The following KHK variants were observed in gnomAD, a reference collection of about 807,000 sequenced individuals.
KHK encodes the protein ketohexokinase.
Under a neutral mutation model 36.0 loss-of-function variants are expected in KHK, and 37 were observed. That is an observed-to-expected ratio of 1.03 (90% confidence interval 0.79 to 1.35). KHK has a LOEUF of 1.35. KHK is among the 40% of genes most tolerant of loss of function. KHK has a pLI of 0.00. For synonymous variants in KHK, 161 were observed against 162.8 expected (o/e 0.99, Z 0.08); for missense variants, 395 against 391.9 (o/e 1.01, Z -0.07).
intron 3 of KHK, 93 bp from the exon 4 acceptor site, chr2:27,096,636 A>T: frequency 1.1e-6 from 1 of 950,844 alleles, no homozygotes. Context: ...CCAGCAGTGC[A>T]GGCACAGGGT....
chr2:27,095,036 C>A, intron 3 of KHK, 102 bp downstream of exon 3: 1 of 1,358,640 alleles, frequency 7.4e-7, no homozygotes, highest in Non-Finnish European at 1.0e-6. Flanking sequence ...CCCTCTGTGG[C>A]TTCTGTGTAC....
rs372939429 is a variant in KHK at position 27,097,517 on chromosome 2, G to A, written c.432G>A (p.Ser144=). ...KWIHIEGRNA[S]EQVKMLQRID... is the part of the protein sequence containing the mutation. ...TCCTGTACCAGGGCCGGAACGCATC[G>A]GAGCAGGTGAAGATGCTGCAGCGGA... The change falls in exon 5 of 8, where the codon TCG becomes TCA. Residue 144 remains serine, a synonymous_variant. Coordinates refer to ENST00000260598, the MANE Select transcript of KHK (RefSeq NM_006488.3). The A allele has an allele frequency of 2.0e-5, 32 of 1,613,632 alleles. 1 individual carries two copies. In the East Asian group the frequency reaches 2.0e-4, roughly 10 times the overall value.
At chr2:27,090,121 G>A (rs2148334569) in intron 1 of KHK, among the ~76,000 whole-genome samples, 1 of 152,272 alleles carries the variant, frequency 6.6e-6, no homozygotes, top group East Asian at 1.9e-4. Flanking sequence ...CAAAGTGCTG[G>A]GATTACAGGC....
intron 4 of KHK, 96 bp downstream of exon 4, chr2:27,096,897 A>G: frequency 1.1e-6 from 1 of 915,528 alleles, no homozygotes; most frequent in Non-Finnish European, 1.8e-6. Flanking sequence ...GAAGTACCTT[A>G]GAGATAAATG....
In KHK at chr2:27,087,231, G is replaced by A. The variant is rs774641461; in HGVS notation, c.-29G>A. On this transcript the variant is annotated 5_prime_UTR_variant, in exon 1 of 8. Coordinates refer to ENST00000260598, the MANE Select transcript of KHK (RefSeq NM_006488.3). The stretch of plus-strand genomic sequence containing the variant: ...AGGCCGGGAGGAACCCCGTCAGCCG[G>A]GCGGGCAGGAAGCTCTGGGAGTAGC... The A allele has an allele frequency of 1.3e-6, 2 of 1,554,490 alleles. No homozygotes were observed. The highest frequency in any genetic ancestry group is 1.2e-5 in the South Asian group (1 of 84,726).
At position 27,097,689 on chromosome 2, in the gene KHK, AATTT is replaced by A. The variant is rs778088138; in HGVS notation, c.564+41_564+44del. On this transcript the variant is annotated intron_variant, in intron 5 of 7. Transcript: ENST00000260598. Reference sequence around the variant, plus strand: ...CAGCCTCTCTTTGCCACTTCCAGCTAATTTGGTTCTTAAAGGGAGCCAGAATCCT... The same window carrying A: ...CAGCCTCTCTTTGCCACTTCCAGCTAGGTTCTTAAAGGGAGCCAGAATCCT... 12 of 1,613,496 alleles carry A rather than the reference AATTT, an allele frequency of 7.4e-6. No individual in the cohort carries two copies. In the East Asian group the frequency reaches 2.7e-4, roughly 36 times the overall value.
Position 27,100,242 on chromosome 2 carries a change from G to C in KHK, c.*492G>C. 2.6e-6 allele frequency: 1 copy of C among 391,380 alleles called. No individual in the cohort carries two copies. The highest frequency in any genetic ancestry group is 6.8e-5 in the East Asian group (1 of 14,666). 24.2% of individuals were successfully genotyped at this position (391,380 alleles called of 1,614,324 possible). A position where few individuals can be genotyped will look rare whatever the true frequency, so the allele number is the denominator to read the frequency against. On this transcript the variant is annotated 3_prime_UTR_variant, in exon 8 of 8. Transcript: ENST00000260598. ...GCGTTGTGCAGACTCTATTCCCACAGCTCAGAAGCTGGGAGTCCACACCGC... is the reference window on the plus strand; with the variant it reads ...GCGTTGTGCAGACTCTATTCCCACACCTCAGAAGCTGGGAGTCCACACCGC...
At chr2:27,095,471 C>A (rs1390383803) in intron 3 of KHK, among the ~76,000 whole-genome samples, 3 of 152,196 alleles carry the variant, frequency 2.0e-5, no homozygotes, top group Non-Finnish European at 4.4e-5. Flanking sequence ...CATTCACAGC[C>A]ATTGCTGAAG....
At chr2:27,090,521 C>T (rs948431004) in intron 1 of KHK, among the ~76,000 whole-genome samples, 5 of 128,572 alleles carry the variant, frequency 3.9e-5, no homozygotes, top group African/African-American at 1.5e-4. Context: ...GTGGCATGAT[C>T]TTGGCTCACT....
intron 3 of KHK, among the ~76,000 whole-genome samples, chr2:27,096,328 A>G (rs879635635): frequency 6.6e-6 from 1 of 152,190 alleles, no homozygotes; most frequent in Non-Finnish European, 1.5e-5. Flanking sequence ...GGGGGACCAG[A>G]CAGCCCAGGC....
chr2:27,088,777 T>C (rs1669816988), intron 1 of KHK, among the ~76,000 whole-genome samples: 1 of 152,208 alleles, frequency 6.6e-6, no homozygotes, highest in South Asian at 2.1e-4. Context: ...ACTGTAATGC[T>C]GTGAAGGCAT....
At chr2:27,096,366 A>G (rs890165285) in intron 3 of KHK, among the ~76,000 whole-genome samples, 7 of 152,044 alleles carry the variant, frequency 4.6e-5, no homozygotes. Flanking sequence ...ATACTTTCCC[A>G]GGGCTCTGCC....
chr2:27,100,516 C>CTAA lies in KHK; in HGVS notation c.*766_*767insTAA, dbSNP rs1670755932. 6 of 1,290,824 alleles carry CTAA rather than the reference C, an allele frequency of 4.6e-6. No homozygotes were observed. The highest frequency in any genetic ancestry group is 6.1e-6 in the Non-Finnish European group (6 of 988,838). The allele number at this position is 1,290,824 out of a possible 1,614,324, so 80.0% of individuals were successfully genotyped here. On this transcript the variant is annotated 3_prime_UTR_variant, in exon 8 of 8. Coordinates refer to ENST00000260598, the MANE Select transcript of KHK (RefSeq NM_006488.3). ...TCTGGAACACATATTGGAATTGGGG[C>CTAA]CAACTCCAATATAGGGTGGGTAAGG...
chr2:27,099,762 G>A lies in KHK; in HGVS notation c.*12G>A, dbSNP rs200569175. Reference sequence around the variant, plus strand: ...ATGGCATCGTGTGAGAGCAGGTGCCGGCTCCTCACACACCATGGAGACTAC... The same window carrying A: ...ATGGCATCGTGTGAGAGCAGGTGCCAGCTCCTCACACACCATGGAGACTAC... On this transcript the variant is annotated 3_prime_UTR_variant, in exon 8 of 8. Transcript: ENST00000260598. The A allele has an allele frequency of 4.0e-5, 65 of 1,613,002 alleles. No individual in the cohort carries two copies. Among genetic ancestry groups the A allele is most frequent in the African/African-American group, 6.7e-5 (5 of 75,010 alleles).
At position 27,099,524 on chromosome 2, in the gene KHK, C is replaced by T; in HGVS notation, c.758C>T (p.Thr253Ile). The T allele has an allele frequency of 6.2e-7, 1 of 1,614,194 alleles. No individual in the cohort carries two copies. Among genetic ancestry groups the T allele is most frequent in the Middle Eastern group, 1.6e-4 (1 of 6,062 alleles). The part of the protein sequence containing the change: ...DAFPPPRVVD[T>I]LGAGDTFNAS... ...TTCCCGCCACCCCGCGTGGTGGATA[C>T]ACTGGGAGCTGGAGACACCTTCAAT... The change falls in exon 7 of 8, where the codon ACA becomes ATA. Residue 253 changes from threonine (T) to isoleucine (I), a missense_variant. Coordinates refer to ENST00000260598, the MANE Select transcript of KHK (RefSeq NM_006488.3).
intron 3 of KHK, among the ~76,000 whole-genome samples, chr2:27,096,274 A>G (rs1474630232): frequency 1.3e-5 from 2 of 152,172 alleles, no homozygotes; most frequent in Non-Finnish European, 2.9e-5. Flanking sequence ...AACGCAGGAC[A>G]GGGGTGCCAT....
At chr2:27,091,285 C>G (rs1426121925) in intron 1 of KHK, among the ~76,000 whole-genome samples, 1 of 151,800 alleles carries the variant, frequency 6.6e-6, no homozygotes, top group Non-Finnish European at 1.5e-5. Flanking sequence ...ACAAGAGCTC[C>G]CTTTGGTTGC....
intron 2 of KHK, 131 bp from the exon 3 acceptor site, chr2:27,094,664 CCAGAA>C: frequency 6.2e-7 from 1 of 1,613,840 alleles, no homozygotes; most frequent in Non-Finnish European, 8.5e-7. Flanking sequence ...ACCAAAACTC[CCAGAA>C]CAGGACTCTT....
chr2:27,087,205 G>T lies in KHK; in HGVS notation c.-55G>T. On this transcript the variant is annotated 5_prime_UTR_variant, in exon 1 of 8. Coordinates refer to ENST00000260598, the MANE Select transcript of KHK (RefSeq NM_006488.3). ...ACACCATCCTCCTGGATAAGAGGCA[G>T]AGGCCGGGAGGAACCCCGTCAGCCG... 6.9e-7 allele frequency: 1 copy of T among 1,451,236 alleles called. No individual in the cohort carries two copies. The highest frequency in any genetic ancestry group is 9.5e-7 in the Non-Finnish European group (1 of 1,055,698). 89.9% of individuals were successfully genotyped at this position (1,451,236 alleles called of 1,614,324 possible).
Sources: gnomAD v4.1 joint callset for allele counts (sites outside exome capture counted in the v4.1 genomes callset) on GRCh38, gnomAD v4.1.1 for gene constraint, MANE v1.5 for transcripts, NCBI Gene and HGNC (gene_info 2026-07-23, HGNC 2026-07-21) for gene names.